HSDL2: variants seen among roughly 807,000 people sequenced by gnomAD.
HSDL2 encodes the protein hydroxysteroid dehydrogenase like 2, also known as hydroxysteroid dehydrogenase-like protein 2.
A neutral mutation model predicts 46.3 loss-of-function variants in HSDL2; 27 were observed. The ratio of observed to expected loss-of-function variants is 0.58; its 90% confidence interval spans 0.43 to 0.80. The LOEUF (loss-of-function observed/expected upper bound fraction) is 0.80, where lower values mean the gene tolerates loss of function less well. Among genes scored for constraint, HSDL2 ranks in the 30% least tolerant of loss-of-function variants. The pLI is 0.00. For synonymous variants in HSDL2, 153 were observed against 163.6 expected, an observed-to-expected ratio of 0.94 and a Z score of 0.50; for missense variants, 451 against 502.7, an observed-to-expected ratio of 0.90 and a Z score of 0.98.
chr9:112,438,749 T>C, intron 7 of HSDL2, 124 bp downstream of exon 7: 1 of 610,644 alleles, frequency 1.6e-6, no homozygotes, highest in Non-Finnish European at 2.8e-6. Flanking sequence ...AAAGCTGTCT[T>C]CCCAATGAAG....
intron 1 of HSDL2, among the ~76,000 whole-genome samples, chr9:112,380,803 A>G (rs893127683): frequency 2.0e-5 from 3 of 152,124 alleles, no homozygotes; most frequent in Admixed American, 6.5e-5. Flanking sequence ...TTCATCTGCA[A>G]GCTGAAACTC....
At chr9:112,394,390 C>T (rs891289542) in intron 1 of HSDL2, among the ~76,000 whole-genome samples, 7 of 152,138 alleles carry the variant, frequency 4.6e-5, no homozygotes, top group South Asian at 2.1e-4. Context: ...TGGTGATCCT[C>T]GTCCTCCCAA....
chr9:112,386,811 G>A (rs1159721786), intron 1 of HSDL2, among the ~76,000 whole-genome samples: 3 of 152,064 alleles, frequency 2.0e-5, no homozygotes, highest in African/African-American at 4.8e-5. Context: ...ATTTCTACAC[G>A]AGCAAAAATC....
chr9:112,390,555 GCAAT>G lies in HSDL2; in HGVS notation c.17+10377_17+10380del, dbSNP rs140673068. Among the ~76,000 whole-genome samples the G allele has an allele frequency of 3.6e-3, 551 of 152,126 alleles. 20 individuals are homozygous for G. In the East Asian group the frequency reaches 0.094, roughly 26 times the overall value. On this transcript the variant is annotated intron_variant, in intron 1 of 10. Transcript: ENST00000398805. ...TGCAGCCTCGACCTCCTGGGCTCAAGCAATCCTTCACCTCAGCCTCCTGAGTAGT... is the reference window on the plus strand; with the variant it reads ...TGCAGCCTCGACCTCCTGGGCTCAAGCCTTCACCTCAGCCTCCTGAGTAGT...
intron 4 of HSDL2, among the ~76,000 whole-genome samples, chr9:112,413,370 G>A (rs370956950): frequency 3.6e-4 from 54 of 151,968 alleles, no homozygotes; most frequent in East Asian, 1.7e-3. Flanking sequence ...CCAGCTACTC[G>A]GGAGGCTGAG....
At chr9:112,442,466 T>C (rs1013613671) in intron 8 of HSDL2, among the ~76,000 whole-genome samples, 2 of 152,152 alleles carry the variant, frequency 1.3e-5, no homozygotes, top group Non-Finnish European at 2.9e-5. Context: ...TTCCACAGTT[T>C]GTGTTATGTG....
At chr9:112,458,317 C>CTCGT (rs1554715582) in intron 9 of HSDL2, among the ~76,000 whole-genome samples, 2 of 53,156 alleles carry the variant, frequency 3.8e-5, no homozygotes, top group Non-Finnish European at 7.3e-5. Flanking sequence ...TTAACCACTT[C>CTCGT]TTCTTTTTTT....
chr9:112,468,007 G>A (rs185569385), intron 10 of HSDL2, among the ~76,000 whole-genome samples: 12 of 149,018 alleles, frequency 8.1e-5, no homozygotes, highest in Non-Finnish European at 1.6e-4. Flanking sequence ...GATAATTTTT[G>A]TGTGTATCTG....
intron 5 of HSDL2, among the ~76,000 whole-genome samples, chr9:112,417,494 A>G (rs1450078143): frequency 6.6e-6 from 1 of 151,510 alleles, no homozygotes; most frequent in African/African-American, 2.4e-5. Context: ...AAAAAAAAAA[A>G]ACGACAAAAA....
At chr9:112,404,292 T>C in intron 2 of HSDL2, 134 bp downstream of exon 2, 1 of 823,370 alleles carries the variant, frequency 1.2e-6, no homozygotes, top group Non-Finnish European at 1.8e-6. Flanking sequence ...GAAGTATTTA[T>C]GTTGTCACCT....
intron 1 of HSDL2, among the ~76,000 whole-genome samples, chr9:112,395,096 T>C (rs1831427838): frequency 6.6e-6 from 1 of 152,148 alleles, no homozygotes; most frequent in Non-Finnish European, 1.5e-5. Context: ...AGAGGGATGT[T>C]ATTTTCAGGC....
At position 112,419,016 on chromosome 9, in the gene HSDL2, T is replaced by C. The variant is rs917148576; in HGVS notation, c.598+58T>C. The stretch of plus-strand genomic sequence containing the variant: ...TTTCATGTATTGTCCTTGACACTTA[T>C]TATTATTTTTTGACAGAATCTCACT... On this transcript the variant is annotated intron_variant, in intron 6 of 10. Transcript: ENST00000398805. 12 of 915,966 alleles carry C rather than the reference T, an allele frequency of 1.3e-5. 1 individual carries two copies. Among genetic ancestry groups the C allele is most frequent in the Middle Eastern group, 5.5e-4 (2 of 3,612 alleles). 56.7% of individuals were successfully genotyped at this position (915,966 alleles called of 1,614,324 possible).
In HSDL2 at chr9:112,398,092, G is replaced by A. The variant is rs139820408; in HGVS notation, c.18-5903G>A. On this transcript the variant is annotated intron_variant, in intron 1 of 10. Coordinates refer to ENST00000398805, the MANE Select transcript of HSDL2 (RefSeq NM_032303.5). ...AAGGGAAACTGAGGTTGAGGAGGTC[G>A]GACTGGTATGAGAGTATGAGAAAGG... 3.0e-4 allele frequency among the ~76,000 whole-genome samples: 45 copies of A among 150,468 alleles called. No individual in the cohort carries two copies. In the East Asian group the frequency reaches 7.9e-3, roughly 26 times the overall value.
intron 4 of HSDL2, among the ~76,000 whole-genome samples, chr9:112,416,105 C>CA (rs35263826): frequency 0.14 from 18,409 of 131,814 alleles, 1,478 homozygotes; most frequent in East Asian, 0.21. Flanking sequence ...GACTCCGTCT[C>CA]AAAAAAAAAA....
intron 1 of HSDL2, among the ~76,000 whole-genome samples, chr9:112,400,087 G>A (rs891695455): frequency 1.3e-5 from 2 of 152,110 alleles, no homozygotes; most frequent in African/African-American, 4.8e-5. Flanking sequence ...TCCGTTCGGG[G>A]TCCCTGACTT....
intron 3 of HSDL2, among the ~76,000 whole-genome samples, chr9:112,406,382 C>G (rs962867705): frequency 2.0e-5 from 3 of 152,046 alleles, no homozygotes; most frequent in Non-Finnish European, 4.4e-5. Flanking sequence ...AAAAATTCTT[C>G]CTTTATGTGG....
intron 6 of HSDL2, among the ~76,000 whole-genome samples, chr9:112,434,844 CTT>C (rs1305425173): frequency 6.6e-6 from 1 of 152,200 alleles, no homozygotes; most frequent in Admixed American, 6.5e-5. Flanking sequence ...GCAGTAATCT[CTT>C]AGCTGTTATC....
intron 4 of HSDL2, among the ~76,000 whole-genome samples, chr9:112,413,758 ATAAAT>A (rs1482536135): frequency 1.3e-5 from 2 of 152,188 alleles, no homozygotes; most frequent in African/African-American, 4.8e-5. Flanking sequence ...GCACTTGAAC[ATAAAT>A]TTAATTTACT....
intron 6 of HSDL2, among the ~76,000 whole-genome samples, chr9:112,437,853 T>C (rs1564123812): frequency 6.6e-6 from 1 of 152,228 alleles, no homozygotes; most frequent in East Asian, 1.9e-4. Context: ...AGAAAGTTCA[T>C]TGAATTTTAC....
Sources: gnomAD v4.1 joint callset for allele counts (sites outside exome capture counted in the v4.1 genomes callset) on GRCh38, gnomAD v4.1.1 for gene constraint, MANE v1.5 for transcripts, NCBI Gene and HGNC (gene_info 2026-07-23, HGNC 2026-07-21) for gene names.